THBD: variants seen among roughly 807,000 people sequenced by gnomAD.
The protein encoded by THBD is thrombomodulin, also known as CD141 antigen.
For missense variants in THBD, 850 were observed against 816.9 expected (o/e 1.04, Z -0.49); for synonymous variants, 449 against 374.2 (o/e 1.20, Z -2.31).
At position 23,046,959 on chromosome 20, in the gene THBD, T is replaced by C. The variant is rs1181800324; in HGVS notation, c.*818A>G. 1.3e-5 allele frequency: 2 copies of C among 152,250 alleles called. No individual in the cohort carries two copies. The highest frequency in any genetic ancestry group is 4.8e-5 in the African/African-American group (2 of 41,470). The allele number at this position is 152,250 out of a possible 1,614,324, so 9.4% of individuals were successfully genotyped here. A position where few individuals can be genotyped will look rare whatever the true frequency, so the allele number is the denominator to read the frequency against. ...AATACCTCTTTGGGTGTAATTTCTA[T>C]GACAGTCCAGCAACATCAATTTAAT... is the stretch of plus-strand genomic sequence containing the variant. On this transcript the variant is annotated 3_prime_UTR_variant, in exon 1 of 1. Coordinates refer to ENST00000377103, the MANE Select transcript of THBD (RefSeq NM_000361.3).
Position 23,045,801 on chromosome 20 carries a change from A to C in THBD, c.*1976T>G, listed in dbSNP as rs918564297. 1.3e-5 allele frequency: 2 copies of C among 152,264 alleles called. No homozygotes were observed. The highest frequency in any genetic ancestry group is 3.8e-4 in the East Asian group (2 of 5,202). 9.4% of individuals were successfully genotyped at this position (152,264 alleles called of 1,614,324 possible). A position where few individuals can be genotyped will look rare whatever the true frequency, so the allele number is the denominator to read the frequency against. ...GTGCACACAGAGATAGCATGAAATC[A>C]TTCTACAGTGAAAATAATAGCCTCT... On this transcript the variant is annotated 3_prime_UTR_variant, in exon 1 of 1. Transcript: ENST00000377103.
chr20:23,049,124 G>A lies in THBD; in HGVS notation c.381C>T (p.Leu127=). ...ACGGGCCGCAGAGGGGAGCCCCATTGAGGTCGAGCCGTGCCCACCTGCTAT... is the reference window on the plus strand; with the variant it reads ...ACGGGCCGCAGAGGGGAGCCCCATTAAGGTCGAGCCGTGCCCACCTGCTAT... The part of the protein sequence containing the change: ...TSYSRWARLD[L]NGAPLCGPLC... Residue 127 remains leucine (L), a synonymous_variant, in exon 1 of 1, where the codon CTC becomes CTT. Transcript: ENST00000377103. The A allele has an allele frequency of 1.3e-6, 2 of 1,593,552 alleles. No individual in the cohort carries two copies. Among genetic ancestry groups the A allele is most frequent in the South Asian group, 1.1e-5 (1 of 87,676 alleles).
chr20:23,048,522 T>C lies in THBD; in HGVS notation c.983A>G (p.Asp328Gly). 1.2e-6 allele frequency: 2 copies of C among 1,604,280 alleles called. No homozygotes were observed. The highest frequency in any genetic ancestry group is 2.2e-5 in the East Asian group (1 of 44,860). ...ADQHRCEDVD[D>G]CILEPSPCPQ... The stretch of plus-strand genomic sequence containing the variant: ...ACACGGACTGGGCTCCAGTATGCAG[T>C]CATCCACGTCCTCGCACCGGTGTTG... The change falls in exon 1 of 1, where the codon GAC becomes GGC. Residue 328 changes from aspartate (D) to glycine (G), a missense_variant. Coordinates refer to ENST00000377103, the MANE Select transcript of THBD (RefSeq NM_000361.3).
rs1215092428 is a variant in THBD at position 23,047,473 on chromosome 20, G to C, written c.*304C>G. ...GTCAAGGTCTGCCCAGAAGGCTGCC[G>C]ACCAATAACGCTCACCCTCCTGCGC... On this transcript the variant is annotated 3_prime_UTR_variant, in exon 1 of 1. Coordinates refer to ENST00000377103, the MANE Select transcript of THBD (RefSeq NM_000361.3). The C allele has an allele frequency of 2.0e-5, 10 of 492,258 alleles. No homozygotes were observed. In the East Asian group the frequency reaches 3.3e-4, roughly 16 times the overall value. The allele number at this position is 492,258 out of a possible 1,614,324, so 30.5% of individuals were successfully genotyped here.
In THBD at chr20:23,049,394, C is replaced by T; in HGVS notation, c.111G>A (p.Ala37=). The change falls in exon 1 of 1, where the codon GCG becomes GCA. Residue 37 remains alanine, a synonymous_variant. Transcript: ENST00000377103. ...GGAAGGTCGCGGGGCCCGGGTAGAGCGCGAAGCAGTCGTGCTCGACGCACT... is the reference window on the plus strand; with the variant it reads ...GGAAGGTCGCGGGGCCCGGGTAGAGTGCGAAGCAGTCGTGCTCGACGCACT... ...GSQCVEHDCF[A]LYPGPATFLN... The T allele has an allele frequency of 1.9e-6, 3 of 1,597,712 alleles. No homozygotes were observed. Among genetic ancestry groups the T allele is most frequent in the Non-Finnish European group, 2.6e-6 (3 of 1,173,238 alleles).
At position 23,048,819 on chromosome 20, in the gene THBD, C is replaced by T. The variant is rs1180969420; in HGVS notation, c.686G>A (p.Gly229Glu). The T allele has an allele frequency of 6.6e-7, 1 of 1,518,600 alleles. No homozygotes were observed. The highest frequency in any genetic ancestry group is 1.2e-5 in the South Asian group (1 of 82,610). 94.1% of individuals were successfully genotyped at this position (1,518,600 alleles called of 1,614,324 possible). Residue 229 changes from glycine to glutamate, a missense_variant, in exon 1 of 1, where the codon GGA becomes GAA. Transcript: ENST00000377103. The stretch of plus-strand genomic sequence containing the variant: ...CCTGGCCCAGTGCCCCTGGACCGCT[C>T]CGGGCGGCGCGGTGCACATTAGCTG... Reference protein sequence around the residue: ...GLQLMCTAPPGAVQGHWAREA... With the variant: ...GLQLMCTAPPEAVQGHWAREA...
chr20:23,049,268 G>T lies in THBD; in HGVS notation c.237C>A (p.Gly79=), dbSNP rs777507020. The change falls in exon 1 of 1, where the codon GGC becomes GGA. Residue 79 remains glycine, a synonymous_variant. Transcript: ENST00000377103. ...DVISLLLNGD[G]GVGRRRLWIG... ...TCCAGAGGCGCCGGCGGCCAACGCC[G>T]CCGTCGCCGTTCAGTAGCAAGGAAA... 11 of 1,166,310 alleles carry T rather than the reference G, an allele frequency of 9.4e-6. 1 individual carries two copies. In the Admixed American group the frequency reaches 2.6e-4, roughly 28 times the overall value. The allele number at this position is 1,166,310 out of a possible 1,614,324, so 72.2% of individuals were successfully genotyped here.
rs901684283 is a variant in THBD at position 23,046,636 on chromosome 20, C to T, written c.*1141G>A. On this transcript the variant is annotated 3_prime_UTR_variant, in exon 1 of 1. Coordinates refer to ENST00000377103, the MANE Select transcript of THBD (RefSeq NM_000361.3). ...CCTCCAGGATCCATTCCCAAGCTCC[C>T]AATTCCACAAGACCAGTAGAGCTGG... 16 of 152,216 alleles carry T rather than the reference C, an allele frequency of 1.1e-4. No individual in the cohort carries two copies. The highest frequency in any genetic ancestry group is 3.1e-4 in the African/African-American group (13 of 41,444). 9.4% of individuals were successfully genotyped at this position (152,216 alleles called of 1,614,324 possible). A position where few individuals can be genotyped will look rare whatever the true frequency, so the allele number is the denominator to read the frequency against.
rs764845888 is a variant in THBD at position 23,048,018 on chromosome 20, G to A, written c.1487C>T (p.Pro496Leu). The A allele has an allele frequency of 3.7e-6, 6 of 1,609,650 alleles. No homozygotes were observed. The highest frequency in any genetic ancestry group is 5.1e-6 in the Non-Finnish European group (6 of 1,178,264). The change falls in exon 1 of 1, where the codon CCG becomes CTG. Residue 496 changes from proline (P) to leucine (L), a missense_variant. Pro to Leu is a moderately conservative substitution (Grantham distance 98). Coordinates refer to ENST00000377103, the MANE Select transcript of THBD (RefSeq NM_000361.3). ...DGGDSGSGEPPPSPTPGSTLT... is the reference protein window; with the variant it reads ...DGGDSGSGEPLPSPTPGSTLT... Reference sequence around the variant, plus strand: ...GGTGGAGCCGGGCGTCGGGCTGGGCGGGGGCTCGCCAGAGCCGCTGTCGCC... The same window carrying A: ...GGTGGAGCCGGGCGTCGGGCTGGGCAGGGGCTCGCCAGAGCCGCTGTCGCC...
rs750643476 is a variant in THBD at position 23,048,437 on chromosome 20, G to A, written c.1068C>T (p.Asp356=). The A allele has an allele frequency of 1.2e-6, 2 of 1,613,890 alleles. No homozygotes were observed. The highest frequency in any genetic ancestry group is 2.2e-5 in the East Asian group (1 of 44,874). ...GCTCCACACACTCGCCGTCCACCAG[G>A]TCGTAGTTAGGGTAGCAGTGGCACT... ...GFECHCYPNY[D]LVDGECVEPV... Residue 356 remains aspartate (D), a synonymous_variant, in exon 1 of 1, where the codon GAC becomes GAT. Coordinates refer to ENST00000377103, the MANE Select transcript of THBD (RefSeq NM_000361.3).
chr20:23,048,228 T>A lies in THBD; in HGVS notation c.1277A>T (p.Glu426Val). The A allele has an allele frequency of 1.2e-6, 2 of 1,614,018 alleles. No homozygotes were observed. The highest frequency in any genetic ancestry group is 1.7e-6 in the Non-Finnish European group (2 of 1,180,038). The stretch of plus-strand genomic sequence containing the variant: ...GTCCAGGATGTAGCCTTCAGGGCAC[T>A]CACAGCTAGCCTGGGTGTTGGGGTC... ...DCDPNTQASC[E>V]CPEGYILDDG... Residue 426 changes from glutamate to valine, a missense_variant, in exon 1 of 1, where the codon GAG (glutamate) becomes GTG (valine). Transcript: ENST00000377103.
Position 23,049,365 on chromosome 20 carries a change from T to C in THBD, c.140A>G (p.Asn47Ser). 6.2e-7 allele frequency: 1 copy of C among 1,604,850 alleles called. No individual in the cohort carries two copies. Among genetic ancestry groups the C allele is most frequent in the Non-Finnish European group, 8.5e-7 (1 of 1,176,802 alleles). ...ALYPGPATFL[N>S]ASQICDGLRG... ...CAGTCCGTCGCAGATCTGACTGGCATTGAGGAAGGTCGCGGGGCCCGGGTA... is the reference window on the plus strand; with the variant it reads ...CAGTCCGTCGCAGATCTGACTGGCACTGAGGAAGGTCGCGGGGCCCGGGTA... Residue 47 changes from asparagine (N) to serine (S), a missense_variant, in exon 1 of 1, where the codon AAT becomes AGT. Coordinates refer to ENST00000377103, the MANE Select transcript of THBD (RefSeq NM_000361.3).
chr20:23,048,054 T>A lies in THBD; in HGVS notation c.1451A>T (p.Lys484Met). Reference protein sequence around the residue: ...RHIGTDCDSGKVDGGDSGSGE... With the variant: ...RHIGTDCDSGMVDGGDSGSGE... Reference sequence around the variant, plus strand: ...AGAGCCGCTGTCGCCACCGTCCACCTTGCCGGAGTCACAGTCGGTGCCAAT... The same window carrying A: ...AGAGCCGCTGTCGCCACCGTCCACCATGCCGGAGTCACAGTCGGTGCCAAT... The change falls in exon 1 of 1, where the codon AAG becomes ATG. Residue 484 changes from lysine (K) to methionine (M), a missense_variant. Physicochemically the swap from Lys to Met is moderately conservative, Grantham distance 95. Transcript: ENST00000377103. 1 of 1,612,682 alleles carries A rather than the reference T, an allele frequency of 6.2e-7. No homozygotes were observed. The highest frequency in any genetic ancestry group is 8.5e-7 in the Non-Finnish European group (1 of 1,179,574).
Position 23,048,706 on chromosome 20 carries a change from A to C in THBD, c.799T>G (p.Cys267Gly). 6.3e-7 allele frequency: 1 copy of C among 1,582,338 alleles called. No individual in the cohort carries two copies. Among genetic ancestry groups the C allele is most frequent in the Non-Finnish European group, 8.5e-7 (1 of 1,171,846 alleles). The part of the protein sequence containing the change: ...NAIPGAPRCQ[C>G]PAGAALQADG... ...GCCTGCAGGGCGGCGCCGGCTGGGCACTGGCAGCGGGGAGCCCCAGGGATC... is the reference window on the plus strand; with the variant it reads ...GCCTGCAGGGCGGCGCCGGCTGGGCCCTGGCAGCGGGGAGCCCCAGGGATC... The change falls in exon 1 of 1, where the codon TGC becomes GGC. Residue 267 changes from cysteine to glycine, a missense_variant. Coordinates refer to ENST00000377103, the MANE Select transcript of THBD (RefSeq NM_000361.3).
Position 23,048,199 on chromosome 20 carries a change from C to A in THBD, c.1306G>T (p.Gly436Cys). The A allele has an allele frequency of 6.2e-7, 1 of 1,614,050 alleles. No homozygotes were observed. Among genetic ancestry groups the A allele is most frequent in the African/African-American group, 1.3e-5 (1 of 75,074 alleles). Residue 436 changes from glycine (G) to cysteine (C), a missense_variant, in exon 1 of 1, where the codon GGT becomes TGT. Gly to Cys is a radical substitution (Grantham distance 159, BLOSUM62 -3). Transcript: ENST00000377103. ...TCGTCGATGTCCGTGCAGATGAAAC[C>A]GTCGTCCAGGATGTAGCCTTCAGGG... ...ECPEGYILDD[G>C]FICTDIDECE...
rs879176483 is a variant in THBD, at chr20:23,047,601, T to C, written c.*176A>G. 10 of 752,174 alleles carry C rather than the reference T, an allele frequency of 1.3e-5. No homozygotes were observed. In the South Asian group the frequency reaches 1.9e-4, roughly 14 times the overall value. 46.6% of individuals were successfully genotyped at this position (752,174 alleles called of 1,614,324 possible). Reference sequence around the variant, plus strand: ...ACGTCACGGAAGAGGCCGAGGCTCATTCTCCTCCCTCTAATCACCCCCTCG... The same window carrying C: ...ACGTCACGGAAGAGGCCGAGGCTCACTCTCCTCCCTCTAATCACCCCCTCG... On this transcript the variant is annotated 3_prime_UTR_variant, in exon 1 of 1. Transcript: ENST00000377103.
At position 23,047,892 on chromosome 20, in the gene THBD, T is replaced by A; in HGVS notation, c.1613A>T (p.His538Leu). Reference sequence around the variant, plus strand: ...GGCGGCGCCCTGCTTCTTGCGCAGGTGGCAGAGGAGCGCCAAAAGCGCCAC... The same window carrying A: ...GGCGGCGCCCTGCTTCTTGCGCAGGAGGCAGAGGAGCGCCAAAAGCGCCAC... ...LVVALLALLC[H>L]LRKKQGAARA... Residue 538 changes from histidine (H) to leucine (L), a missense_variant, in exon 1 of 1, where the codon CAC becomes CTC. His to Leu is a moderately conservative substitution (Grantham distance 99). Coordinates refer to ENST00000377103, the MANE Select transcript of THBD (RefSeq NM_000361.3). The A allele has an allele frequency of 1.9e-6, 3 of 1,606,914 alleles. No individual in the cohort carries two copies. The highest frequency in any genetic ancestry group is 1.3e-5 in the African/African-American group (1 of 74,974).
In THBD at chr20:23,047,660, G is replaced by T. The variant is rs932869999; in HGVS notation, c.*117C>A. 27 of 1,259,428 alleles carry T rather than the reference G, an allele frequency of 2.1e-5. 1 individual carries two copies. The South Asian group carries it at 3.3e-4, about 15-fold the overall frequency. The allele number at this position is 1,259,428 out of a possible 1,614,324, so 78.0% of individuals were successfully genotyped here. A position where few individuals can be genotyped will look rare whatever the true frequency, so the allele number is the denominator to read the frequency against. On this transcript the variant is annotated 3_prime_UTR_variant, in exon 1 of 1. Transcript: ENST00000377103. ...CCATGGAATAGAAGAAAACAGCTTG[G>T]GGGGTGCGGGGAGGGTCTTCTCCAG... is the stretch of plus-strand genomic sequence containing the variant.
rs761617821 is a variant in THBD at position 23,048,179 on chromosome 20, G to A, written c.1326C>T (p.Ile442=). 6.2e-7 allele frequency: 1 copy of A among 1,614,016 alleles called. No individual in the cohort carries two copies. Among genetic ancestry groups the A allele is most frequent in the East Asian group, 2.2e-5 (1 of 44,874 alleles). Residue 442 remains isoleucine, a synonymous_variant, in exon 1 of 1, where the codon ATC becomes ATT. Transcript: ENST00000377103. The stretch of plus-strand genomic sequence containing the variant: ...AGAAGCCGCCGTTTTCGCACTCGTC[G>A]ATGTCCGTGCAGATGAAACCGTCGT... The part of the protein sequence containing the change: ...ILDDGFICTD[I]DECENGGFCS...
Sources: allele counts gnomAD v4.1 joint callset, GRCh38; gene constraint gnomAD v4.1.1; transcripts MANE v1.5; gene names NCBI Gene and HGNC (gene_info 2026-07-23, HGNC 2026-07-21).